The following DOCK1 variants were observed in gnomAD, a reference collection of about 807,000 sequenced individuals.
DOCK1 encodes dedicator of cytokinesis 1.
In DOCK1, 138 loss-of-function variants were observed where a neutral mutation model predicts 262.7. The observed-to-expected ratio is 0.53, with a 90% CI of 0.46 to 0.61. The LOEUF (loss-of-function observed/expected upper bound fraction) is 0.61. Ranked by LOEUF, DOCK1 falls within the 20% of genes least tolerant of loss-of-function variation. The probability of loss-of-function intolerance (pLI) is 0.00; values close to 1 mark genes in which losing one functional copy is unlikely to be tolerated. For synonymous variants in DOCK1, 866 were observed against 867.4 expected, an observed-to-expected ratio of 1.00 and a Z score of 0.03; for missense variants, 1,908 against 2,370.7, an observed-to-expected ratio of 0.80 and a Z score of 4.05.
rs774145641 is a variant in DOCK1, at chr10:127,000,164, A to T, written c.850-8A>T. 2.0e-5 allele frequency: 32 copies of T among 1,613,224 alleles called. No individual in the cohort carries two copies. Among genetic ancestry groups the T allele is most frequent in the Non-Finnish European group, 8.5e-7 (1 of 1,179,560 alleles). ...TCCAAAATAATTTATGGAAACTAAT[A>T]TTTCTAGGACCTCGGAAGCAAAGAC... is the stretch of plus-strand genomic sequence containing the variant. On this transcript the variant is annotated splice_polypyrimidine_tract_variant and splice_region_variant and intron_variant, in intron 9 of 51. Transcript: ENST00000623213.
chr10:127,074,883 C>T (rs542923069), intron 23 of DOCK1, among the ~76,000 whole-genome samples: 3 of 151,992 alleles, frequency 2.0e-5, no homozygotes, highest in South Asian at 2.1e-4. Context: ...GGTGTTTGGC[C>T]GGGTGCGGTG....
intron 27 of DOCK1, among the ~76,000 whole-genome samples, chr10:127,177,558 G>T (rs1400178447): frequency 6.6e-6 from 1 of 152,210 alleles, no homozygotes; most frequent in Admixed American, 6.5e-5. Context: ...TACGGGGCCC[G>T]AGTGGCTGGA....
intron 1 of DOCK1, among the ~76,000 whole-genome samples, chr10:126,945,613 T>C (rs949381071): frequency 1.3e-5 from 2 of 152,104 alleles, no homozygotes; most frequent in Admixed American, 6.6e-5. Context: ...ACGGGATCAT[T>C]TTTATGGATT....
rs560097394 is a variant in DOCK1, at chr10:127,228,224, G to A, written c.2848-19784G>A. Among the ~76,000 whole-genome samples, 11 of 152,262 alleles carry A rather than the reference G, an allele frequency of 7.2e-5. No homozygotes were observed. In the South Asian group the frequency reaches 2.3e-3, roughly 32 times the overall value. On this transcript the variant is annotated intron_variant, in intron 27 of 51. Transcript: ENST00000623213. ...TTCCTTATGAGGGAATTATGCTGTG[G>A]GGTGGTAGAGTGAGAAGGGTTAAAT...
intron 5 of DOCK1, among the ~76,000 whole-genome samples, chr10:126,990,216 T>G (rs781430155): frequency 1.3e-5 from 2 of 152,226 alleles, no homozygotes; most frequent in Non-Finnish European, 2.9e-5. Context: ...GGATGTTGGA[T>G]GAAGTCTTGG....
chr10:127,316,072 G>A (rs1449489484), intron 29 of DOCK1, among the ~76,000 whole-genome samples: 1 of 152,268 alleles, frequency 6.6e-6, no homozygotes, highest in South Asian at 2.1e-4. Flanking sequence ...ACAATGGGAT[G>A]TGTTGATACA....
At chr10:127,371,685 GTC>G (rs2065217794) in intron 33 of DOCK1, among the ~76,000 whole-genome samples, 1 of 152,086 alleles carries the variant, frequency 6.6e-6, no homozygotes, top group Admixed American at 6.5e-5. Context: ...TTAATTTTGT[GTC>G]TCTATTATTT....
At chr10:127,156,525 C>A (rs79556616) in intron 27 of DOCK1, among the ~76,000 whole-genome samples, 1 of 141,488 alleles carries the variant, frequency 7.1e-6, no homozygotes, top group East Asian at 2.1e-4. Flanking sequence ...CTTTACTTTT[C>A]TTTTCTCTTT....
At chr10:127,386,695 G>A (rs2134151537) in intron 38 of DOCK1, among the ~76,000 whole-genome samples, 1 of 152,050 alleles carries the variant, frequency 6.6e-6, no homozygotes, top group Middle Eastern at 3.4e-3. Flanking sequence ...ATTTCGTTAT[G>A]TATTACAATG....
intron 29 of DOCK1, among the ~76,000 whole-genome samples, chr10:127,289,071 C>T (rs915879218): frequency 4.2e-4 from 63 of 151,664 alleles, no homozygotes; most frequent in African/African-American, 1.5e-3. Context: ...TCTGCCCCTA[C>T]CTTTCCCTAC....
intron 29 of DOCK1, among the ~76,000 whole-genome samples, chr10:127,306,258 G>C (rs553094205): frequency 2.0e-5 from 3 of 152,076 alleles, no homozygotes. Context: ...CAGGTGATCC[G>C]CCTGCCTTGG....
intron 10 of DOCK1, among the ~76,000 whole-genome samples, chr10:127,006,531 C>T (rs1260271456): frequency 6.6e-6 from 1 of 152,204 alleles, no homozygotes; most frequent in African/African-American, 2.4e-5. Context: ...GACATCTTGT[C>T]CAAACTGCAG....
rs36080987 is a variant in DOCK1 at position 127,374,064 on chromosome 10, G to A, written c.3525G>A (p.Leu1175=). The change falls in exon 35 of 52, where the codon CTG becomes CTA. Residue 1175 remains leucine (L), a synonymous_variant. Transcript: ENST00000623213. ...QYKVLFDKIL[L]EHCRKHKYLA... ...GTGTATAATTATTTTTCAGCCTTCTGGAACACTGCAGGAAGCACAAATACC... is the reference window on the plus strand; with the variant it reads ...GTGTATAATTATTTTTCAGCCTTCTAGAACACTGCAGGAAGCACAAATACC... 432 of 1,609,276 alleles carry A rather than the reference G, an allele frequency of 2.7e-4. 1 individual carries two copies. In the African/African-American group the frequency reaches 4.9e-3, roughly 18 times the overall value.
rs568318855 is a variant in DOCK1, at chr10:127,327,336, T to C, written c.3045-11670T>C. Among the ~76,000 whole-genome samples, 67 of 152,370 alleles carry C rather than the reference T, an allele frequency of 4.4e-4. 1 individual carries two copies. Among genetic ancestry groups the C allele is most frequent in the African/African-American group, 1.6e-3 (67 of 41,584 alleles). On this transcript the variant is annotated intron_variant, in intron 29 of 51. Transcript: ENST00000623213. ...CATCAATGGTCTATCCTAGGTCTTC[T>C]GGAGAACTTGCTGCAGCTTCTCCAT...
intron 23 of DOCK1, among the ~76,000 whole-genome samples, chr10:127,067,397 G>C (rs1263588321): frequency 6.6e-6 from 1 of 152,162 alleles, no homozygotes; most frequent in Non-Finnish European, 1.5e-5. Context: ...CCTTGGCATA[G>C]TCTGTTCCAT....
intron 23 of DOCK1, among the ~76,000 whole-genome samples, chr10:127,065,520 CT>C (rs1236965868): frequency 1.0e-3 from 157 of 152,232 alleles, no homozygotes; most frequent in Non-Finnish European, 1.9e-4. Context: ...GTACAGATGC[CT>C]CTTGAAGACC....
intron 33 of DOCK1, among the ~76,000 whole-genome samples, chr10:127,366,242 C>A (rs987609795): frequency 3.3e-5 from 5 of 151,930 alleles, no homozygotes; most frequent in African/African-American, 1.2e-4. Context: ...AAAAACTAAC[C>A]CTTGTTTTAA....
At chr10:127,219,406 C>T (rs570833734) in intron 27 of DOCK1, among the ~76,000 whole-genome samples, 177 of 152,188 alleles carry the variant, frequency 1.2e-3, no homozygotes, top group Admixed American at 2.5e-3. Flanking sequence ...CCAATTAGTC[C>T]TTGGCCATTT....
chr10:127,357,013 G>A (rs1042219327), intron 32 of DOCK1, among the ~76,000 whole-genome samples: 2 of 152,088 alleles, frequency 1.3e-5, no homozygotes, highest in African/African-American at 2.4e-5. Flanking sequence ...CCACCCTAGC[G>A]GAGGGTCTGA....
Sources: gnomAD v4.1 joint callset for allele counts (sites outside exome capture counted in the v4.1 genomes callset) on GRCh38, gnomAD v4.1.1 for gene constraint, MANE v1.5 for transcripts, NCBI Gene and HGNC (gene_info 2026-07-23, HGNC 2026-07-21) for gene names.